Variants in NDUFAF2 observed in about 807,000 individuals in gnomAD.
The protein encoded by NDUFAF2 is NADH dehydrogenase [ubiquinone] 1 alpha subcomplex assembly factor 2.
In NDUFAF2, 13 loss-of-function variants were observed where a neutral mutation model predicts 22.8. The observed-to-expected ratio is 0.57, with a 90% CI of 0.37 to 0.91. NDUFAF2 has a LOEUF of 0.91. Ranked by LOEUF, NDUFAF2 falls within the 40% of genes least tolerant of loss-of-function variation. The pLI is 0.01. For synonymous variants in NDUFAF2, 53 were observed against 64.2 expected (o/e 0.83, Z 0.84); for missense variants, 162 against 195.2 (o/e 0.83, Z 1.01).
intron 3 of NDUFAF2, among the ~76,000 whole-genome samples, chr5:61,127,895 C>T (rs968619689): frequency 6.6e-6 from 1 of 152,036 alleles, no homozygotes; most frequent in Non-Finnish European, 1.5e-5. Flanking sequence ...CTAGAAAACC[C>T]CATTGTCTCA....
chr5:61,008,897 C>T (rs991812276), intron 1 of NDUFAF2, among the ~76,000 whole-genome samples: 6 of 151,988 alleles, frequency 3.9e-5, no homozygotes, highest in African/African-American at 9.7e-5. Flanking sequence ...ATGAACTAAC[C>T]GCCTTCCTTG....
At chr5:61,136,005 T>TATATATATATATATATATATA (rs1411594766) in intron 3 of NDUFAF2, among the ~76,000 whole-genome samples, 2 of 96,048 alleles carry the variant, frequency 2.1e-5, no homozygotes, top group African/African-American at 5.5e-5. Flanking sequence ...AAGCCTGTCT[T>TATATATATATATATATATATA]TATATATATA....
intron 2 of NDUFAF2, among the ~76,000 whole-genome samples, chr5:61,085,147 A>T (rs1752491457): frequency 6.6e-6 from 1 of 152,186 alleles, no homozygotes. Context: ...TGTAGAAATC[A>T]CTAACAAAAT....
At chr5:61,029,856 C>T (rs775537021) in intron 1 of NDUFAF2, among the ~76,000 whole-genome samples, 10 of 152,122 alleles carry the variant, frequency 6.6e-5, no homozygotes, top group Non-Finnish European at 1.0e-4. Context: ...GCAGCTAGCC[C>T]AATCTTCTTT....
intron 1 of NDUFAF2, among the ~76,000 whole-genome samples, chr5:61,061,889 G>A (rs1181990187): frequency 1.3e-5 from 2 of 152,210 alleles, no homozygotes; most frequent in Non-Finnish European, 2.9e-5. Context: ...CACTGCTGCA[G>A]TCAGTACCAC....
chr5:61,020,805 C>T (rs1440378435), intron 1 of NDUFAF2, among the ~76,000 whole-genome samples: 3 of 152,114 alleles, frequency 2.0e-5, no homozygotes, highest in South Asian at 2.1e-4. Context: ...CAGTGATTCT[C>T]CTGCCTCAGC....
At chr5:61,090,459 A>G (rs1426739159) in intron 2 of NDUFAF2, among the ~76,000 whole-genome samples, 2 of 151,980 alleles carry the variant, frequency 1.3e-5, no homozygotes, top group Non-Finnish European at 2.9e-5. Flanking sequence ...GCAACCATTA[A>G]AAAAATGTAA....
intron 3 of NDUFAF2, among the ~76,000 whole-genome samples, chr5:61,108,902 A>C (rs966687288): frequency 2.6e-5 from 4 of 151,866 alleles, no homozygotes; most frequent in African/African-American, 4.8e-5. Context: ...TGATTCCCCC[A>C]GTTTTGTTCT....
intron 2 of NDUFAF2, among the ~76,000 whole-genome samples, chr5:61,095,391 C>G (rs188099277): frequency 6.6e-6 from 1 of 152,154 alleles, no homozygotes; most frequent in African/African-American, 2.4e-5. Context: ...GAACTCTGTC[C>G]CAGGTAGGGG....
At chr5:60,981,618 CTA>C (rs1750978525) in intron 1 of NDUFAF2, among the ~76,000 whole-genome samples, 1 of 152,076 alleles carries the variant, frequency 6.6e-6, no homozygotes, top group Admixed American at 6.6e-5. Context: ...AGAATAATAA[CTA>C]AAACAATTTT....
At chr5:61,092,436 C>G (rs575388525) in intron 2 of NDUFAF2, among the ~76,000 whole-genome samples, 97 of 150,610 alleles carry the variant, frequency 6.4e-4, no homozygotes, top group Admixed American at 1.6e-3. Flanking sequence ...TTCACCTCCA[C>G]TGTATTCCTA....
chr5:61,111,555 G>A (rs1752840486), intron 3 of NDUFAF2, among the ~76,000 whole-genome samples: 1 of 151,988 alleles, frequency 6.6e-6, no homozygotes, highest in Non-Finnish European at 1.5e-5. Flanking sequence ...TCCCACCTCA[G>A]CCCCCCAAGT....
At chr5:60,972,222 T>C (rs1195659411) in intron 1 of NDUFAF2, among the ~76,000 whole-genome samples, 1 of 151,958 alleles carries the variant, frequency 6.6e-6, no homozygotes, top group East Asian at 1.9e-4. Context: ...ATTACAGGCA[T>C]GAGCCACTGT....
chr5:60,963,155 A>T (rs1481108485), intron 1 of NDUFAF2, among the ~76,000 whole-genome samples: 2 of 152,114 alleles, frequency 1.3e-5, no homozygotes, highest in African/African-American at 4.8e-5. Context: ...AAGTGCTGAG[A>T]TTACAGGTGT....
At chr5:61,134,731 AT>A (rs1740886234) in intron 3 of NDUFAF2, among the ~76,000 whole-genome samples, 1 of 151,976 alleles carries the variant, frequency 6.6e-6, no homozygotes, top group Non-Finnish European at 1.5e-5. Flanking sequence ...CCCCCCCAAA[AT>A]TTTTTTGAAT....
intron 3 of NDUFAF2, among the ~76,000 whole-genome samples, chr5:61,147,300 G>A (rs1259369228): frequency 1.3e-5 from 2 of 151,892 alleles, no homozygotes; most frequent in Non-Finnish European, 2.9e-5. Context: ...CCAGGCTGGA[G>A]TGCAGTGGTG....
chr5:61,085,689 TTA>T (rs1752498581), intron 2 of NDUFAF2, among the ~76,000 whole-genome samples: 3 of 152,180 alleles, frequency 2.0e-5, no homozygotes, highest in Admixed American at 2.0e-4. Flanking sequence ...ATAAAATCAA[TTA>T]TATGTCTACA....
chr5:61,120,021 G>A (rs1415285926), intron 3 of NDUFAF2, among the ~76,000 whole-genome samples: 2 of 152,094 alleles, frequency 1.3e-5, no homozygotes, highest in Non-Finnish European at 2.9e-5. Flanking sequence ...ATTTGCCTAT[G>A]CATACATTGG....
chr5:61,031,005 C>T (rs1307321086), intron 1 of NDUFAF2, among the ~76,000 whole-genome samples: 1 of 152,050 alleles, frequency 6.6e-6, no homozygotes, highest in African/African-American at 2.4e-5. Context: ...ATATCACCAG[C>T]ATCTCTTCTG....
Sources: allele counts gnomAD v4.1 joint callset (sites outside exome capture counted in the v4.1 genomes callset), GRCh38; gene constraint gnomAD v4.1.1; transcripts MANE v1.5; gene names NCBI Gene and HGNC (gene_info 2026-07-23, HGNC 2026-07-21).